The following ZNF385D variants were observed in gnomAD, a reference collection of about 807,000 sequenced individuals.
ZNF385D encodes zinc finger protein 659.
A neutral mutation model predicts 35.8 loss-of-function variants in ZNF385D; 15 were observed. The observed-to-expected ratio is 0.42, with a 90% CI of 0.28 to 0.64. The LOEUF is 0.64. ZNF385D is among the 30% of genes least tolerant of loss of function. The pLI, the probability that ZNF385D is intolerant of heterozygous loss-of-function variation, is 0.23. For synonymous variants in ZNF385D, 212 were observed against 186.8 expected, an observed-to-expected ratio of 1.13 and a Z score of -1.10; for missense variants, 474 against 494.6, an observed-to-expected ratio of 0.96 and a Z score of 0.39.
At chr3:22,143,250 T>C (rs1481925448) in intron 3 of ZNF385D, among the ~76,000 whole-genome samples, 3 of 151,996 alleles carry the variant, frequency 2.0e-5, no homozygotes, top group East Asian at 1.9e-4. Context: ...GCCTGGCTAA[T>C]TTTTTTGTTT....
At chr3:21,854,580 C>T (rs1009713037) in intron 3 of ZNF385D, among the ~76,000 whole-genome samples, 5 of 151,908 alleles carry the variant, frequency 3.3e-5, no homozygotes, top group South Asian at 2.1e-4. Context: ...CCTGAAATTA[C>T]GTACCCAGTC....
At chr3:21,989,489 T>A (rs2125391740) in intron 3 of ZNF385D, among the ~76,000 whole-genome samples, 1 of 152,318 alleles carries the variant, frequency 6.6e-6, no homozygotes, top group African/African-American at 2.4e-5. Context: ...AAAAGACAAT[T>A]ATTAGCAAAT....
At chr3:21,735,655 C>T (rs1428578626) in intron 1 of ZNF385D, among the ~76,000 whole-genome samples, 1 of 152,162 alleles carries the variant, frequency 6.6e-6, no homozygotes, top group Non-Finnish European at 1.5e-5. Flanking sequence ...TCCTAATTAG[C>T]ATATCATTAA....
chr3:21,513,406 C>A (rs1707352114), intron 3 of ZNF385D, among the ~76,000 whole-genome samples: 2 of 151,822 alleles, frequency 1.3e-5, no homozygotes, highest in East Asian at 1.9e-4. Flanking sequence ...ATGCAAAATG[C>A]AAAATAAGAC....
rs1448173061 is a variant in ZNF385D, at chr3:21,437,164, G to T, written c.479C>A (p.Thr160Asn). ...AGTPAISTTTTVEIRKSSVMT... is the reference protein window; with the variant it reads ...AGTPAISTTTNVEIRKSSVMT... Reference sequence around the variant, plus strand: ...AACACTGCTTTTGCGGATTTCCACAGTTGTCGTCGTTGATATTGCTGGTGT... The same window carrying T: ...AACACTGCTTTTGCGGATTTCCACATTTGTCGTCGTTGATATTGCTGGTGT... The change falls in exon 5 of 8, where the codon ACT (threonine) becomes AAT (asparagine). Residue 160 changes from threonine to asparagine, a missense_variant. Coordinates refer to ENST00000281523, the MANE Select transcript of ZNF385D (RefSeq NM_024697.3). 7.4e-6 allele frequency: 12 copies of T among 1,613,700 alleles called. No individual in the cohort carries two copies. The highest frequency in any genetic ancestry group is 1.0e-5 in the Non-Finnish European group (12 of 1,179,874).
chr3:21,950,881 C>T (rs1321423348), intron 3 of ZNF385D, among the ~76,000 whole-genome samples: 1 of 151,520 alleles, frequency 6.6e-6, no homozygotes, highest in Non-Finnish European at 1.5e-5. Flanking sequence ...TTTCTGAGGC[C>T]TCTATTTTGT....
At chr3:21,969,585 G>A (rs1414061680) in intron 3 of ZNF385D, among the ~76,000 whole-genome samples, 1 of 152,146 alleles carries the variant, frequency 6.6e-6, no homozygotes, top group Non-Finnish European at 1.5e-5. Context: ...CCAGGCCCTG[G>A]TCCTGGATGA....
chr3:21,543,897 T>C (rs542923379), intron 3 of ZNF385D, among the ~76,000 whole-genome samples: 1 of 152,314 alleles, frequency 6.6e-6, no homozygotes, highest in East Asian at 1.9e-4. Flanking sequence ...AGGCTTTGTT[T>C]AGCAATCCTG....
chr3:21,841,335 G>C (rs1695660532), intron 3 of ZNF385D, among the ~76,000 whole-genome samples: 1 of 151,910 alleles, frequency 6.6e-6, no homozygotes, highest in Non-Finnish European at 1.5e-5. Flanking sequence ...CTACAGTGTT[G>C]CTATAAATAT....
chr3:22,136,518 T>A (rs2125695466), intron 3 of ZNF385D, among the ~76,000 whole-genome samples: 1 of 152,250 alleles, frequency 6.6e-6, no homozygotes, highest in South Asian at 2.1e-4. Flanking sequence ...AAGCAAATGA[T>A]CCATTTTCAG....
At chr3:21,478,698 T>C (rs1015422623) in intron 4 of ZNF385D, among the ~76,000 whole-genome samples, 1 of 152,108 alleles carries the variant, frequency 6.6e-6, no homozygotes, top group Non-Finnish European at 1.5e-5. Context: ...ATACTTGAAG[T>C]AGGATTATTT....
At position 21,470,420 on chromosome 3, in the gene ZNF385D, T is replaced by C. The variant is rs114851595; in HGVS notation, c.440-33217A>G. ...CATTGTCCCCAGATTTCTATAAAACTGTCAGAGTAAAAAATGAGAAAACAT... is the reference window on the plus strand; with the variant it reads ...CATTGTCCCCAGATTTCTATAAAACCGTCAGAGTAAAAAATGAGAAAACAT... On this transcript the variant is annotated intron_variant, in intron 4 of 7. Coordinates refer to ENST00000281523, the MANE Select transcript of ZNF385D (RefSeq NM_024697.3). Among the ~76,000 whole-genome samples, 738 of 152,254 alleles carry C rather than the reference T, an allele frequency of 4.8e-3. 6 individuals are homozygous for C. Among genetic ancestry groups the C allele is most frequent in the Non-Finnish European group, 7.5e-3 (511 of 68,010 alleles).
chr3:22,219,092 T>G (rs557191520), intron 2 of ZNF385D, among the ~76,000 whole-genome samples: 286 of 152,284 alleles, frequency 1.9e-3, no homozygotes, highest in African/African-American at 6.6e-3. Flanking sequence ...AGTTAAACTC[T>G]ATGGTGACGA....
rs374293782 is a variant in ZNF385D, at chr3:21,560,596, A to G, written c.276+3978T>C. 8.7e-4 allele frequency among the ~76,000 whole-genome samples: 132 copies of G among 152,266 alleles called. 2 individuals are homozygous for G. The South Asian group carries it at 0.019, about 22-fold the overall frequency. ...TGCCGGTCGGCCCCTACTGGGAGGT[A>G]TCTCCCAATCAGGAGACATGGGGGT... On this transcript the variant is annotated intron_variant, in intron 3 of 7. Coordinates refer to ENST00000281523, the MANE Select transcript of ZNF385D (RefSeq NM_024697.3).
chr3:22,006,196 G>A (rs1329601380), intron 3 of ZNF385D, among the ~76,000 whole-genome samples: 1 of 152,060 alleles, frequency 6.6e-6, no homozygotes, highest in African/African-American at 2.4e-5. Context: ...CCTATGCAGA[G>A]TTTTAATTTT....
At chr3:21,443,954 T>C (rs994343933) in intron 4 of ZNF385D, among the ~76,000 whole-genome samples, 1 of 152,208 alleles carries the variant, frequency 6.6e-6, no homozygotes, top group African/African-American at 2.4e-5. Flanking sequence ...ATATACATAA[T>C]GGTTACTTGT....
chr3:21,624,444 T>A (rs1293072369), intron 2 of ZNF385D, among the ~76,000 whole-genome samples: 1 of 152,086 alleles, frequency 6.6e-6, no homozygotes, highest in Non-Finnish European at 1.5e-5. Flanking sequence ...GCCAGACAGA[T>A]ACATATAAAA....
intron 2 of ZNF385D, among the ~76,000 whole-genome samples, chr3:21,618,274 A>ATGATGGT (rs60131219): frequency 0.5 from 75,392 of 151,650 alleles, 18,947 homozygotes; most frequent in East Asian, 0.67. Flanking sequence ...AGACAGACAC[A>ATGATGGT]CAGAAAAGAT....
intron 3 of ZNF385D, among the ~76,000 whole-genome samples, chr3:21,922,140 A>G (rs1197378874): frequency 7.1e-6 from 1 of 140,496 alleles, no homozygotes; most frequent in East Asian, 2.2e-4. Flanking sequence ...ATCATAGATA[A>G]CATGACAAAT....
Sources: allele counts gnomAD v4.1 joint callset (sites outside exome capture counted in the v4.1 genomes callset), GRCh38; gene constraint gnomAD v4.1.1; transcripts MANE v1.5; gene names NCBI Gene and HGNC (gene_info 2026-07-23, HGNC 2026-07-21).